The following SGCD variants were observed in gnomAD, a reference collection of about 807,000 sequenced individuals.
The protein encoded by SGCD is delta-sarcoglycan.
Under a neutral mutation model 36.6 loss-of-function variants are expected in SGCD, and 18 were observed. The observed-to-expected ratio is 0.49, with a 90% confidence interval of 0.34 to 0.73. The LOEUF (loss-of-function observed/expected upper bound fraction) is 0.73. Ranked by LOEUF, SGCD falls within the 30% of genes least tolerant of loss-of-function variation. The probability of loss-of-function intolerance (pLI) is 0.01; values close to 1 mark genes in which losing one functional copy is unlikely to be tolerated. For synonymous variants in SGCD, 133 were observed against 130.6 expected, an observed-to-expected ratio of 1.02 and a Z score of -0.12; for missense variants, 387 against 346.7, an observed-to-expected ratio of 1.12 and a Z score of -0.92.
intron 1 of SGCD, among the ~76,000 whole-genome samples, chr5:156,037,407 G>T (rs575543865): frequency 4.6e-4 from 70 of 152,156 alleles, no homozygotes; most frequent in Admixed American, 1.0e-3. Context: ...GTTTTCCCCA[G>T]TCCCAGGCAT....
At chr5:156,323,034 A>G (rs1171371973), upstream of SGCD, among the ~76,000 whole-genome samples, 1 of 152,186 alleles carries the variant, frequency 6.6e-6, no homozygotes, top group Non-Finnish European at 1.5e-5. Context: ...GGCTCTAGTC[A>G]GCTTAAAAGC....
At chr5:156,249,574 G>C (rs531865486) in intron 3 of SGCD, among the ~76,000 whole-genome samples, 1 of 152,132 alleles carries the variant, frequency 6.6e-6, no homozygotes, top group African/African-American at 2.4e-5. Context: ...TTTGGACTTG[G>C]TATTAGAAGA....
At chr5:156,415,677 A>G (rs1320055883) in intron 3 of SGCD, among the ~76,000 whole-genome samples, 1 of 152,218 alleles carries the variant, frequency 6.6e-6, no homozygotes, top group African/African-American at 2.4e-5. Flanking sequence ...ATTTTAGTGA[A>G]AAAGGAAGCA....
At chr5:156,113,162 T>C (rs1309396972) in intron 1 of SGCD, among the ~76,000 whole-genome samples, 1 of 152,180 alleles carries the variant, frequency 6.6e-6, no homozygotes, top group African/African-American at 2.4e-5. Flanking sequence ...TCTTTCTCTG[T>C]CCCAGGCCTT....
rs561700607 is a variant in SGCD, at chr5:156,539,768, G to A, written c.294+31066G>A. ...TATAATGATTTCTTTTCCTTTGAGA[G>A]GATACCCAGTAGTGGGATTGCTGTA... On this transcript the variant is annotated intron_variant, in intron 4 of 8. Coordinates refer to ENST00000337851, the MANE Select transcript of SGCD (RefSeq NM_000337.6). Among the ~76,000 whole-genome samples, 3 of 152,142 alleles carry A rather than the reference G, an allele frequency of 2.0e-5. No individual in the cohort carries two copies. In the East Asian group the frequency reaches 5.8e-4, roughly 29 times the overall value.
the SGCD span, among the ~76,000 whole-genome samples, chr5:155,758,655 A>G: frequency 6.6e-6 from 1 of 152,180 alleles, no homozygotes; most frequent in Non-Finnish European, 1.5e-5. Context: ...TGAACTGCAC[A>G]TGTGAGGGAT....
intron 4 of SGCD, among the ~76,000 whole-genome samples, chr5:156,533,186 C>G (rs1757960161): frequency 6.6e-6 from 1 of 152,134 alleles, no homozygotes; most frequent in African/African-American, 2.4e-5. Flanking sequence ...TCCTCACACC[C>G]CCTCTGATGG....
chr5:156,402,744 G>A (rs1038625952), intron 3 of SGCD, among the ~76,000 whole-genome samples: 3 of 152,154 alleles, frequency 2.0e-5, no homozygotes, highest in African/African-American at 7.2e-5. Flanking sequence ...TAATCAAAAT[G>A]TGCATGCTCT....
chr5:156,326,538 C>T (rs1580822989), upstream of SGCD, among the ~76,000 whole-genome samples: 1 of 152,096 alleles, frequency 6.6e-6, no homozygotes, highest in Non-Finnish European at 1.5e-5. Context: ...AGAACTGTAC[C>T]AGTGTGGAAA....
intron 3 of SGCD, among the ~76,000 whole-genome samples, chr5:156,209,095 T>C (rs970678325): frequency 6.6e-6 from 1 of 152,074 alleles, no homozygotes; most frequent in Non-Finnish European, 1.5e-5. Context: ...AATAAGGCAC[T>C]AGACAGGCCC....
chr5:156,468,189 A>C (rs1754794566), intron 3 of SGCD, among the ~76,000 whole-genome samples: 1 of 151,894 alleles, frequency 6.6e-6, no homozygotes, highest in Admixed American at 6.6e-5. Flanking sequence ...TCTTTGCAAA[A>C]ATTAAAATAT....
intron 3 of SGCD, among the ~76,000 whole-genome samples, chr5:156,474,361 C>T (rs1206713055): frequency 1.3e-5 from 2 of 152,242 alleles, no homozygotes; most frequent in African/African-American, 4.8e-5. Context: ...GCACTCTAGG[C>T]TGTGCTATGC....
intron 7 of SGCD, among the ~76,000 whole-genome samples, chr5:156,752,057 A>T (rs1757165211): frequency 6.6e-6 from 1 of 152,246 alleles, no homozygotes; most frequent in African/African-American, 2.4e-5. Context: ...CAAATAAATC[A>T]TGGTATATGG....
At chr5:156,318,754 C>T (rs1339935533) in intron 3 of SGCD, among the ~76,000 whole-genome samples, 1 of 152,102 alleles carries the variant, frequency 6.6e-6, no homozygotes, top group Non-Finnish European at 1.5e-5. Context: ...TGCCCCCTCG[C>T]CTGGCTCAGT....
At chr5:156,464,301 A>G (rs1467897862) in intron 3 of SGCD, among the ~76,000 whole-genome samples, 1 of 150,176 alleles carries the variant, frequency 6.7e-6, no homozygotes, top group Non-Finnish European at 1.5e-5. Flanking sequence ...GCTTACTGCA[A>G]CCTGTGCCTC....
intron 3 of SGCD, among the ~76,000 whole-genome samples, chr5:156,152,849 T>C (rs1186472558): frequency 6.6e-6 from 1 of 151,534 alleles, no homozygotes; most frequent in Non-Finnish European, 1.5e-5. Flanking sequence ...AATCAATCAA[T>C]ATGTATTTTT....
At chr5:156,649,200 G>T (rs1307561350) in intron 7 of SGCD, among the ~76,000 whole-genome samples, 1 of 152,148 alleles carries the variant, frequency 6.6e-6, no homozygotes, top group Admixed American at 6.6e-5. Flanking sequence ...TCATTAAAAA[G>T]TCAGGGAACA....
the SGCD span, among the ~76,000 whole-genome samples, chr5:155,850,562 A>C: frequency 1.3e-5 from 2 of 152,188 alleles, no homozygotes; most frequent in East Asian, 3.9e-4. Context: ...ACTAAGAAAT[A>C]TCAAAGGAGA....
rs912835074 is a variant in SGCD, at chr5:156,059,057, T to C, written c.-281-58821T>C. The stretch of plus-strand genomic sequence containing the variant: ...TTATAGATTTTTATTTTCTTTTTTG[T>C]GCTTCCTCATAATTTTCAAATTTCT... On this transcript the variant is annotated intron_variant, in intron 1 of 9. Coordinates refer to the SGCD transcript ENST00000517913. Among the ~76,000 whole-genome samples the C allele has an allele frequency of 1.9e-4, 28 of 145,960 alleles. 1 individual carries two copies. The highest frequency in any genetic ancestry group is 6.6e-4 in the African/African-American group (27 of 40,610).
Sources: gnomAD v4.1 joint callset for allele counts (sites outside exome capture counted in the v4.1 genomes callset) on GRCh38, gnomAD v4.1.1 for gene constraint, MANE v1.5 for transcripts, NCBI Gene and HGNC (gene_info 2026-07-23, HGNC 2026-07-21) for gene names.